SMURF2: variants seen among roughly 807,000 people sequenced by gnomAD.
SMURF2 encodes E3 ubiquitin-protein ligase SMURF2.
A neutral mutation model predicts 109.6 loss-of-function variants in SMURF2; 48 were observed. The ratio of observed to expected loss-of-function variants is 0.44; its 90% CI spans 0.35 to 0.56. The LOEUF (loss-of-function observed/expected upper bound fraction) is 0.56, where lower values mean the gene tolerates loss of function less well. Among genes scored for constraint, SMURF2 ranks in the 20% least tolerant of loss-of-function variants. SMURF2 has a pLI of 0.01. For missense variants in SMURF2, 575 were observed against 909.0 expected, an observed-to-expected ratio of 0.63 and a Z score of 4.72; for synonymous variants, 288 against 317.1, an observed-to-expected ratio of 0.91 and a Z score of 0.97.
chr17:64,571,518 G>C (rs1410998946), intron 10 of SMURF2, among the ~76,000 whole-genome samples: 1 of 152,052 alleles, frequency 6.6e-6, no homozygotes, highest in East Asian at 1.9e-4. Flanking sequence ...CGATTCTCCT[G>C]CCTCAGTTTC....
chr17:64,610,101 A>G (rs1233553018), intron 1 of SMURF2, among the ~76,000 whole-genome samples: 1 of 152,064 alleles, frequency 6.6e-6, no homozygotes, highest in Non-Finnish European at 1.5e-5. Context: ...AAAAAGTCAG[A>G]AAACAACAGA....
intron 16 of SMURF2, among the ~76,000 whole-genome samples, chr17:64,550,204 G>C (rs1202696550): frequency 2.0e-5 from 3 of 152,160 alleles, no homozygotes; most frequent in Non-Finnish European, 4.4e-5. Flanking sequence ...TTTTAGATTT[G>C]TTTGCTAACA....
At chr17:64,642,886 C>T (rs1970509916) in intron 1 of SMURF2, among the ~76,000 whole-genome samples, 1 of 152,068 alleles carries the variant, frequency 6.6e-6, no homozygotes, top group African/African-American at 2.4e-5. Flanking sequence ...CTTCGACCTC[C>T]CAGGCTCAAG....
At chr17:64,582,914 T>TG (rs1969597028) in intron 7 of SMURF2, among the ~76,000 whole-genome samples, 4 of 151,326 alleles carry the variant, frequency 2.6e-5, no homozygotes, top group African/African-American at 7.4e-5. Context: ...TTTTTTTTTT[T>TG]TGGGGACAGA....
At position 64,662,221 on chromosome 17, in the gene SMURF2, G is replaced by T; in HGVS notation, c.-341C>A. 1 of 983,332 alleles carries T rather than the reference G, an allele frequency of 1.0e-6. No individual in the cohort carries two copies. The highest frequency in any genetic ancestry group is 1.2e-6 in the Non-Finnish European group (1 of 829,142). 60.9% of individuals were successfully genotyped at this position (983,332 alleles called of 1,614,324 possible). On this transcript the variant is annotated 5_prime_UTR_variant, in exon 1 of 19. Coordinates refer to ENST00000262435, the MANE Select transcript of SMURF2 (RefSeq NM_022739.4). The stretch of plus-strand genomic sequence containing the variant: ...TCGGCGAGGCCCAGTAGCCGACGGG[G>T]CTGGTCGGCTGAAGCGGGCGGTGCT...
At chr17:64,549,843 A>G (rs1969016439) in intron 16 of SMURF2, among the ~76,000 whole-genome samples, 1 of 152,186 alleles carries the variant, frequency 6.6e-6, no homozygotes. Context: ...TCCTAACCCT[A>G]CCAAATAAAG....
At chr17:64,648,501 A>G (rs1007895227) in intron 1 of SMURF2, among the ~76,000 whole-genome samples, 4 of 152,196 alleles carry the variant, frequency 2.6e-5, no homozygotes, top group Non-Finnish European at 5.9e-5. Context: ...TAATTCACAA[A>G]TGGCTCACAC....
intron 7 of SMURF2, among the ~76,000 whole-genome samples, chr17:64,582,291 G>T (rs947325061): frequency 2.1e-4 from 32 of 152,294 alleles, no homozygotes; most frequent in African/African-American, 7.5e-4. Flanking sequence ...CTAATGAAAA[G>T]AATTTGGTAT....
At chr17:64,619,330 T>C (rs1555690409) in intron 1 of SMURF2, among the ~76,000 whole-genome samples, 1 of 150,814 alleles carries the variant, frequency 6.6e-6, no homozygotes, top group Non-Finnish European at 1.5e-5. Flanking sequence ...TACAAAAAAT[T>C]TGCCAGGCAT....
rs1025025550 is a variant in SMURF2, at chr17:64,661,973, G to C, written c.-93C>G. ...ACCACAGCGGCCGGGGCTGGGGCCC[G>C]AGCAGCCGGCGCCTCGGCCGCCACG... is the stretch of plus-strand genomic sequence containing the variant. On this transcript the variant is annotated 5_prime_UTR_variant, in exon 1 of 19. Transcript: ENST00000262435. 21 of 1,119,840 alleles carry C rather than the reference G, an allele frequency of 1.9e-5. No individual in the cohort carries two copies. In the African/African-American group the frequency reaches 3.1e-4, roughly 17 times the overall value. 69.4% of individuals were successfully genotyped at this position (1,119,840 alleles called of 1,614,324 possible).
rs1311495501 is a variant in SMURF2, at chr17:64,545,170, A to G, written c.*678T>C. On this transcript the variant is annotated 3_prime_UTR_variant, in exon 19 of 19. Coordinates refer to ENST00000262435, the MANE Select transcript of SMURF2 (RefSeq NM_022739.4). The stretch of plus-strand genomic sequence containing the variant: ...TTTAGACTAAATGGTTGCATTAGGA[A>G]TTTGACAACCAAAATTATATCGCTG... 1 of 152,556 alleles carries G rather than the reference A, an allele frequency of 6.6e-6. No homozygotes were observed. The highest frequency in any genetic ancestry group is 1.5e-5 in the Non-Finnish European group (1 of 68,018). The allele number at this position is 152,556 out of a possible 1,614,324, so 9.5% of individuals were successfully genotyped here.
At chr17:64,574,974 A>C in intron 9 of SMURF2, among the ~76,000 whole-genome samples, 1 of 152,118 alleles carries the variant, frequency 6.6e-6, no homozygotes, top group Non-Finnish European at 1.5e-5. Context: ...CCTACAAGTA[A>C]TTTCTAATTA....
chr17:64,656,701 AT>A (rs1283587330), intron 1 of SMURF2, among the ~76,000 whole-genome samples: 1 of 152,200 alleles, frequency 6.6e-6, no homozygotes, highest in African/African-American at 2.4e-5. Context: ...CTACACCAAG[AT>A]GTTTACAGCA....
intron 1 of SMURF2, among the ~76,000 whole-genome samples, chr17:64,631,135 C>T (rs1209118231): frequency 1.3e-5 from 2 of 150,870 alleles, no homozygotes; most frequent in Admixed American, 6.6e-5. Context: ...GACCCCATCT[C>T]TACAAAAAAT....
At chr17:64,579,150 G>T (rs1969542251) in intron 8 of SMURF2, among the ~76,000 whole-genome samples, 1 of 152,076 alleles carries the variant, frequency 6.6e-6, no homozygotes, top group Non-Finnish European at 1.5e-5. Context: ...GAAAGAAGAG[G>T]ACTAAAGAGC....
At chr17:64,548,591 T>G (rs1490731937) in intron 16 of SMURF2, among the ~76,000 whole-genome samples, 1 of 152,182 alleles carries the variant, frequency 6.6e-6, no homozygotes, top group Non-Finnish European at 1.5e-5. Flanking sequence ...TTCCGCCATG[T>G]TGGCCAGGCT....
intron 1 of SMURF2, among the ~76,000 whole-genome samples, chr17:64,640,155 T>C (rs1486463594): frequency 6.6e-6 from 1 of 152,172 alleles, no homozygotes; most frequent in Non-Finnish European, 1.5e-5. Context: ...CAAAAGTTTA[T>C]TTTTAAAAAG....
chr17:64,587,270 T>TG (rs1246393127), intron 5 of SMURF2, among the ~76,000 whole-genome samples: 1 of 152,220 alleles, frequency 6.6e-6, no homozygotes, highest in Non-Finnish European at 1.5e-5. Context: ...CTTGGATTGA[T>TG]GGAGTTTTAA....
intron 1 of SMURF2, among the ~76,000 whole-genome samples, chr17:64,652,447 A>G (rs1465633034): frequency 1.3e-5 from 2 of 152,218 alleles, no homozygotes; most frequent in Non-Finnish European, 2.9e-5. Context: ...AAAACACAGG[A>G]GAGTCCAGAA....
Sources: allele counts gnomAD v4.1 joint callset (sites outside exome capture counted in the v4.1 genomes callset), GRCh38; gene constraint gnomAD v4.1.1; transcripts MANE v1.5; gene names NCBI Gene and HGNC (gene_info 2026-07-23, HGNC 2026-07-21).